Variants in ZMYM2 observed in about 807,000 individuals in gnomAD.
ZMYM2 encodes zinc finger MYM-type containing 2, also known as zinc finger MYM-type protein 2.
Under a neutral mutation model 162.8 loss-of-function variants are expected in ZMYM2, and 56 were observed. The observed-to-expected ratio is 0.34, with a 90% CI of 0.28 to 0.43. The LOEUF is 0.43. ZMYM2 is among the 20% of genes least tolerant of loss of function. ZMYM2 has a pLI of 1.00. For synonymous variants in ZMYM2, 510 were observed against 541.6 expected (o/e 0.94, Z 0.81); for missense variants, 1,275 against 1,621.8 (o/e 0.79, Z 3.67).
chr13:20,047,491 C>T (rs1954931108), intron 12 of ZMYM2, among the ~76,000 whole-genome samples: 3 of 152,140 alleles, frequency 2.0e-5, no homozygotes, highest in Admixed American at 2.0e-4. Context: ...TGCTTCATCA[C>T]AGAAACTTAA....
chr13:20,075,544 G>A (rs1021812976), intron 21 of ZMYM2, among the ~76,000 whole-genome samples: 2 of 151,980 alleles, frequency 1.3e-5, no homozygotes, highest in Non-Finnish European at 2.9e-5. Flanking sequence ...TGAGGAAGAA[G>A]GAAAATGATA....
the ZMYM2 span, among the ~76,000 whole-genome samples, chr13:19,884,503 G>C: frequency 1.3e-5 from 2 of 151,988 alleles, no homozygotes; most frequent in African/African-American, 4.8e-5. Context: ...GCGTGAACCC[G>C]AAAGGCTTGC....
At chr13:20,039,668 G>A (rs4385996) in intron 12 of ZMYM2, among the ~76,000 whole-genome samples, 9,668 of 151,980 alleles carry the variant, frequency 0.064, 354 homozygotes, top group African/African-American at 0.097. Flanking sequence ...AGTAGAGATG[G>A]GATTTCACCA....
In ZMYM2 at chr13:19,993,743, A is replaced by C; in HGVS notation, c.671A>C (p.Asn224Thr). The part of the protein sequence containing the change: ...ITHVTSLQNT[N>T]LGDVSNGLQS... ...CATGTAACATCACTGCAGAATACCAACTTGGGAGATGTCTCTAACGGACTG... is the reference window on the plus strand; with the variant it reads ...CATGTAACATCACTGCAGAATACCACCTTGGGAGATGTCTCTAACGGACTG... The change falls in exon 3 of 25, where the codon AAC becomes ACC. Residue 224 changes from asparagine (N) to threonine (T), a missense_variant. This residue lies in a region of ZMYM2 where 295 missense variants were observed against 286.7 expected (regional missense o/e 1.03). Transcript: ENST00000610343. 1 of 1,614,092 alleles carries C rather than the reference A, an allele frequency of 6.2e-7. No homozygotes were observed. The highest frequency in any genetic ancestry group is 1.7e-5 in the Admixed American group (1 of 60,030).
At chr13:20,050,174 A>G (rs1271439181) in intron 12 of ZMYM2, among the ~76,000 whole-genome samples, 1 of 151,958 alleles carries the variant, frequency 6.6e-6, no homozygotes, top group African/African-American at 2.4e-5. Flanking sequence ...GTCATAATTT[A>G]TACTATAAAT....
the ZMYM2 span, among the ~76,000 whole-genome samples, chr13:19,917,797 C>T: frequency 1.3e-5 from 2 of 152,062 alleles, no homozygotes; most frequent in African/African-American, 4.8e-5. Flanking sequence ...TGTCTTGGCT[C>T]ATGCCTGCCC....
chr13:20,034,378 G>A lies in ZMYM2; in HGVS notation c.2093G>A (p.Gly698Asp), dbSNP rs766386562. 10 of 1,602,154 alleles carry A rather than the reference G, an allele frequency of 6.2e-6. No homozygotes were observed. Among genetic ancestry groups the A allele is most frequent in the Admixed American group, 1.7e-5 (1 of 58,040 alleles). The part of the protein sequence containing the change: ...KTLHETVNFS[G>D]VKRPFCSEGC... ...CTTCATGAAACAGTAAATTTCTCTG[G>A]CGTTAAGAGACCTTTCTGTAGTGAA... is the stretch of plus-strand genomic sequence containing the variant. Residue 698 changes from glycine to aspartate, a missense_variant, in exon 11 of 25, where the codon GGC becomes GAC. Transcript: ENST00000610343.
At chr13:19,973,766 G>A (rs1170338351) in intron 2 of ZMYM2, among the ~76,000 whole-genome samples, 1 of 151,346 alleles carries the variant, frequency 6.6e-6, no homozygotes, top group Admixed American at 6.6e-5. Context: ...TCCGCGGCCC[G>A]CAGGTCCCGT....
At chr13:19,981,653 G>A (rs770204123) in intron 2 of ZMYM2, among the ~76,000 whole-genome samples, 46 of 152,218 alleles carry the variant, frequency 3.0e-4, no homozygotes, top group Middle Eastern at 3.4e-3. Context: ...CTGTAAATAC[G>A]AATTTTTTCC....
intron 2 of ZMYM2, among the ~76,000 whole-genome samples, chr13:19,966,204 G>A (rs1209649031): frequency 2.7e-5 from 4 of 148,388 alleles, no homozygotes; most frequent in South Asian, 4.3e-4. Flanking sequence ...GTGCAATCTC[G>A]GCTCAACGCA....
At chr13:19,987,066 C>G (rs1029981089) in intron 2 of ZMYM2, among the ~76,000 whole-genome samples, 2 of 134,272 alleles carry the variant, frequency 1.5e-5, no homozygotes, top group African/African-American at 5.5e-5. Flanking sequence ...GATCGTGCCA[C>G]TGCACTCCAG....
intron 2 of ZMYM2, among the ~76,000 whole-genome samples, chr13:19,972,000 A>T (rs1167537030): frequency 2.6e-5 from 4 of 152,202 alleles, no homozygotes; most frequent in Non-Finnish European, 1.5e-5. Flanking sequence ...CCCCAAAGAA[A>T]GTTAAAATTA....
the ZMYM2 span, among the ~76,000 whole-genome samples, chr13:19,910,510 A>ACACACCT: frequency 6.6e-6 from 1 of 151,104 alleles, no homozygotes; most frequent in Non-Finnish European, 1.5e-5. Context: ...GGCCCTGTGG[A>ACACACCT]CACACCTTTC....
the ZMYM2 span, among the ~76,000 whole-genome samples, chr13:19,898,135 A>G: frequency 1.3e-5 from 2 of 152,244 alleles, no homozygotes; most frequent in African/African-American, 4.8e-5. Flanking sequence ...GATAGAAATC[A>G]TACAAAGTAT....
chr13:20,003,518 GT>G (rs1368755387), intron 4 of ZMYM2, among the ~76,000 whole-genome samples: 1 of 152,048 alleles, frequency 6.6e-6, no homozygotes, highest in Non-Finnish European at 1.5e-5. Flanking sequence ...TTTTATATGT[GT>G]TTGTTTTGAA....
chr13:19,933,447 C>A, the ZMYM2 span, among the ~76,000 whole-genome samples: 348 of 152,228 alleles, frequency 2.3e-3, no homozygotes, highest in African/African-American at 8.0e-3. Context: ...CACATCCTTA[C>A]ACCTCTTATA....
rs548070257 is a variant in ZMYM2 at position 20,002,309 on chromosome 13, A to G, written c.848-541A>G. 1.5e-4 allele frequency among the ~76,000 whole-genome samples: 23 copies of G among 152,230 alleles called. No homozygotes were observed. The South Asian group carries it at 4.1e-3, about 27-fold the overall frequency. On this transcript the variant is annotated intron_variant, in intron 3 of 24. Coordinates refer to ENST00000610343, the MANE Select transcript of ZMYM2 (RefSeq NM_197968.4). ...TACTTCCTGCTTAATAACTAGTGAC[A>G]TTTTTTAATACTTCCTATATGCCAG...
chr13:19,982,319 G>A (rs140046866), intron 2 of ZMYM2, among the ~76,000 whole-genome samples: 288 of 113,768 alleles, frequency 2.5e-3, no homozygotes, highest in Middle Eastern at 9.1e-3. Flanking sequence ...ACAGAGTCTC[G>A]CTCTGTCACT....
At chr13:19,897,072 C>CAAAA in the ZMYM2 span, among the ~76,000 whole-genome samples, 47 of 111,432 alleles carry the variant, frequency 4.2e-4, no homozygotes, top group Middle Eastern at 4.5e-3. Flanking sequence ...GACTCTGCCT[C>CAAAA]AAAAAAAAAA....
Sources: gnomAD v4.1 joint callset for allele counts (sites outside exome capture counted in the v4.1 genomes callset) on GRCh38, gnomAD v4.1.1 for gene constraint, gnomAD v4.1.1 regional missense constraint, MANE v1.5 for transcripts, NCBI Gene and HGNC (gene_info 2026-07-23, HGNC 2026-07-21) for gene names.